VWF: variants seen among roughly 807,000 people sequenced by gnomAD.
VWF encodes the protein von Willebrand factor, also known as Factor VIII related antigen.
In VWF, 176 loss-of-function variants were observed where a neutral mutation model predicts 308.6. The ratio of observed to expected loss-of-function variants is 0.57; its 90% CI spans 0.50 to 0.65. The LOEUF is 0.65. Ranked by LOEUF, VWF falls within the 30% of genes least tolerant of loss-of-function variation. The pLI is 0.00. For synonymous variants in VWF, 1,385 were observed against 1,443.4 expected, an observed-to-expected ratio of 0.96 and a Z score of 0.92; for missense variants, 3,146 against 3,648.2, an observed-to-expected ratio of 0.86 and a Z score of 3.55.
chr12:6,092,395 T>C (rs146942387), intron 6 of VWF, among the ~76,000 whole-genome samples: 18 of 150,326 alleles, frequency 1.2e-4, no homozygotes, highest in African/African-American at 4.4e-4. Flanking sequence ...CAGGCTGGAG[T>C]GTAGTGATGC....
At chr12:6,037,921 G>A (rs776803880) in intron 18 of VWF, among the ~76,000 whole-genome samples, 1 of 152,164 alleles carries the variant, frequency 6.6e-6, no homozygotes, top group Non-Finnish European at 1.5e-5. Flanking sequence ...GTTGGGGGGA[G>A]GGAAATAGGA....
At chr12:6,114,040 C>T (rs1254465707) in intron 3 of VWF, among the ~76,000 whole-genome samples, 2 of 152,260 alleles carry the variant, frequency 1.3e-5, no homozygotes, top group East Asian at 1.9e-4. Context: ...ATCCTCCTTT[C>T]ATCCCATCTC....
intron 34 of VWF, among the ~76,000 whole-genome samples, chr12:6,005,255 T>C (rs1269881421): frequency 6.6e-6 from 1 of 152,152 alleles, no homozygotes; most frequent in Non-Finnish European, 1.5e-5. Flanking sequence ...TTTTGGTATA[T>C]GAATAGCTTA....
intron 16 of VWF, among the ~76,000 whole-genome samples, chr12:6,049,049 C>A (rs1346964206): frequency 6.6e-6 from 1 of 152,172 alleles, no homozygotes; most frequent in East Asian, 1.9e-4. Context: ...AGAAGAAATA[C>A]TCCATTGTGA....
In VWF at chr12:6,065,169, G is replaced by A. The variant is rs1488965491; in HGVS notation, c.1261C>T (p.His421Tyr). The change falls in exon 11 of 52, where the codon CAC becomes TAC. Residue 421 changes from histidine to tyrosine, a missense_variant. His to Tyr is a moderately conservative substitution (Grantham distance 83). Around this residue, in one of 3 missense-constraint regions of VWF, gnomAD observed 1,304 missense variants for 1,353.0 expected, o/e 0.96. Transcript: ENST00000261405. ...GTCTCAATGACAATGGAGAAGGAGT[G>A]GTCCTGGCAATCCCGGGCCAGCAGG... ...QYLLARDCQD[H>Y]SFSIVIETVQ... 1.2e-6 allele frequency: 2 copies of A among 1,614,214 alleles called. No homozygotes were observed. Among genetic ancestry groups the A allele is most frequent in the Admixed American group, 1.7e-5 (1 of 60,020 alleles).
chr12:6,021,078 A>G (rs1272711266), intron 27 of VWF: 1 of 152,286 alleles, frequency 6.6e-6, no homozygotes, highest in South Asian at 2.1e-4. Context: ...TTAACAGTGC[A>G]TGAGTGACAT....
chr12:6,000,723 A>C (rs1943862326), intron 34 of VWF, among the ~76,000 whole-genome samples: 1 of 149,654 alleles, frequency 6.7e-6, no homozygotes, highest in Non-Finnish European at 1.5e-5. Flanking sequence ...GAGGCAGGAG[A>C]ATGGCGTGAA....
rs555420723 is a variant in VWF at position 5,951,629 on chromosome 12, A to G, written c.8155+215T>C. 3.3e-5 allele frequency among the ~76,000 whole-genome samples: 5 copies of G among 152,344 alleles called. No homozygotes were observed. In the East Asian group the frequency reaches 9.6e-4, roughly 29 times the overall value. On this transcript the variant is annotated intron_variant, in intron 50 of 51. Coordinates refer to ENST00000261405, the MANE Select transcript of VWF (RefSeq NM_000552.5). ...TCCATGGGATCTAAAAGGGAGTTCA[A>G]GAGGGCAGTCTGATGACATCCAAGG...
chr12:6,014,103 C>T (rs1363926785), intron 31 of VWF, among the ~76,000 whole-genome samples: 1 of 151,938 alleles, frequency 6.6e-6, no homozygotes, highest in African/African-American at 2.4e-5. Context: ...TGGAAGGAGC[C>T]AAGAGGATGT....
rs573425630 is a variant in VWF, at chr12:6,060,877, C to T, written c.1533+2077G>A. ...GAGAAAGTGCATGGGTGGAGAGCAC[C>T]CTCTCTGTGAGGTGGGAAGATGCTG... On this transcript the variant is annotated intron_variant, in intron 13 of 51. Coordinates refer to ENST00000261405, the MANE Select transcript of VWF (RefSeq NM_000552.5). This position sits in a 1 kb window ranked among gnomAD's most constrained non-coding sequence, Gnocchi z 5.1. Among the ~76,000 whole-genome samples the T allele has an allele frequency of 6.6e-6, 1 of 152,216 alleles. No homozygotes were observed. The highest frequency in any genetic ancestry group is 6.5e-5 in the Admixed American group (1 of 15,286).
chr12:5,976,272 A>G lies in VWF; in HGVS notation c.7288-12T>C. 6.2e-7 allele frequency: 1 copy of G among 1,614,096 alleles called. No homozygotes were observed. The highest frequency in any genetic ancestry group is 8.5e-7 in the Non-Finnish European group (1 of 1,180,024). On this transcript the variant is annotated splice_polypyrimidine_tract_variant and intron_variant, in intron 42 of 51. Coordinates refer to ENST00000261405, the MANE Select transcript of VWF (RefSeq NM_000552.5). ...CGGTGGACACACACCTGTAGACATAAGTTTTCGTGAGTGAACTCATTTGTT... is the reference window on the plus strand; with the variant it reads ...CGGTGGACACACACCTGTAGACATAGGTTTTCGTGAGTGAACTCATTTGTT...
chr12:6,057,091 G>A lies in VWF; in HGVS notation c.1730-19C>T, dbSNP rs1183937370. On this transcript the variant is annotated intron_variant, in intron 14 of 51. Transcript: ENST00000261405. The stretch of plus-strand genomic sequence containing the variant: ...AACCTGGCTGTGGGGCGAGAGGAGC[G>A]AGCCTGGGATGTGGTGGGGAGGAGT... The A allele has an allele frequency of 6.5e-7, 1 of 1,527,748 alleles. No individual in the cohort carries two copies. 94.6% of individuals were successfully genotyped at this position (1,527,748 alleles called of 1,614,324 possible). A position where few individuals can be genotyped will look rare whatever the true frequency, so the allele number is the denominator to read the frequency against.
At chr12:6,068,622 AC>A (rs1414490342) in intron 10 of VWF, among the ~76,000 whole-genome samples, 1 of 151,910 alleles carries the variant, frequency 6.6e-6, no homozygotes, top group Admixed American at 6.6e-5. Context: ...GGCATGTGCC[AC>A]CATGCCCAGC....
rs1314531562 is a variant in VWF at position 6,060,617 on chromosome 12, A to C, written c.1533+2337T>G. On this transcript the variant is annotated intron_variant, in intron 13 of 51. Transcript: ENST00000261405. This position sits in a 1 kb window ranked among gnomAD's most constrained non-coding sequence, Gnocchi z 5.1. ...AAAAGAAAAAAGAAAAATATATATA[A>C]AAAGACAGTTCTATAGGCCATGGGG... Among the ~76,000 whole-genome samples the C allele has an allele frequency of 6.6e-6, 1 of 152,204 alleles. No individual in the cohort carries two copies. The highest frequency in any genetic ancestry group is 2.4e-5 in the African/African-American group (1 of 41,458).
rs1286096753 is a variant in VWF, at chr12:6,034,748, G to A, written c.2625C>T (p.Tyr875=). 6 of 1,614,106 alleles carry A rather than the reference G, an allele frequency of 3.7e-6. No homozygotes were observed. In the African/African-American group the frequency reaches 6.7e-5, roughly 18 times the overall value. ...GGTATTTGAGCCCGTCGAAGGTGAG[G>A]TAGTGGGCCATGCCGATCGTGGAGC... The part of the protein sequence containing the change: ...ATCSTIGMAH[Y]LTFDGLKYLF... Residue 875 remains tyrosine (Y), a synonymous_variant, in exon 20 of 52, where the codon TAC becomes TAT. Coordinates refer to ENST00000261405, the MANE Select transcript of VWF (RefSeq NM_000552.5).
chr12:6,060,512 C>T lies in VWF; in HGVS notation c.1533+2442G>A, dbSNP rs73264994. Among the ~76,000 whole-genome samples, 3,972 of 152,266 alleles carry T rather than the reference C, an allele frequency of 0.026. 166 individuals carry two copies. The highest frequency in any genetic ancestry group is 0.09 in the African/African-American group (3,717 of 41,530). ...TGAGGCTCCCCACCTCCTGCCCCAA[C>T]TCAAACACCCCCTTTCCTGCTTCAT... On this transcript the variant is annotated intron_variant, in intron 13 of 51. Transcript: ENST00000261405. The surrounding 1 kb of genome is among the most constrained non-coding windows in gnomAD (Gnocchi z 5.1).
chr12:5,956,485 T>G (rs1399720455), intron 47 of VWF, among the ~76,000 whole-genome samples: 1 of 152,030 alleles, frequency 6.6e-6, no homozygotes. Context: ...GAGTTTTCAT[T>G]TTTAACAAAA....
At chr12:6,007,485 G>A (rs1001759504) in intron 34 of VWF, among the ~76,000 whole-genome samples, 6 of 152,110 alleles carry the variant, frequency 3.9e-5, no homozygotes, top group African/African-American at 1.2e-4. Context: ...ATGAGTCAAA[G>A]AAGAAATCAA....
chr12:5,984,639 G>A lies in VWF; in HGVS notation c.6976+406C>T, dbSNP rs137982640. Among the ~76,000 whole-genome samples, 3 of 152,244 alleles carry A rather than the reference G, an allele frequency of 2.0e-5. No homozygotes were observed. In the South Asian group the frequency reaches 6.2e-4, roughly 31 times the overall value. Reference sequence around the variant, plus strand: ...CAGCCCACTATTCACAGAGCAGCCTGCAAGGCTAGCATGAAAACCTCTAGC... The same window carrying A: ...CAGCCCACTATTCACAGAGCAGCCTACAAGGCTAGCATGAAAACCTCTAGC... On this transcript the variant is annotated intron_variant, in intron 40 of 51. Coordinates refer to ENST00000261405, the MANE Select transcript of VWF (RefSeq NM_000552.5).
Sources: allele counts gnomAD v4.1 joint callset (sites outside exome capture counted in the v4.1 genomes callset), GRCh38; gene constraint gnomAD v4.1.1; regional missense constraint gnomAD v4.1.1; non-coding constraint Gnocchi (gnomAD v3.1); transcripts MANE v1.5; gene names NCBI Gene and HGNC (gene_info 2026-07-23, HGNC 2026-07-21).